Variants in ZBTB38 observed in about 807,000 individuals in gnomAD.
ZBTB38 encodes zinc finger and BTB domain containing 38, also known as zinc finger and BTB domain-containing protein 38.
In ZBTB38, 20 loss-of-function variants were observed where a neutral mutation model predicts 76.8. The observed-to-expected ratio is 0.26, with a 90% CI of 0.18 to 0.38. ZBTB38 has a LOEUF of 0.38. Among genes scored for constraint, ZBTB38 ranks in the 10% least tolerant of loss-of-function variants. ZBTB38 has a pLI of 1.00. For missense variants in ZBTB38, 1,082 were observed against 1,482.3 expected (o/e 0.73, Z 4.43); for synonymous variants, 504 against 544.2 (o/e 0.93, Z 1.03).
intron 4 of ZBTB38, among the ~76,000 whole-genome samples, chr3:141,391,465 C>T (rs761487505): frequency 9.9e-5 from 15 of 152,174 alleles, no homozygotes; most frequent in Non-Finnish European, 1.9e-4. Context: ...GAGGATGGCC[C>T]AGGTCCCTGT....
At chr3:141,407,725 C>G (rs1559941282) in intron 5 of ZBTB38, among the ~76,000 whole-genome samples, 1 of 152,102 alleles carries the variant, frequency 6.6e-6, no homozygotes, top group South Asian at 2.1e-4. Context: ...TGGCTGGTGA[C>G]GAAGATTAAC....
At chr3:141,349,721 C>T (rs141235376) in intron 1 of ZBTB38, among the ~76,000 whole-genome samples, 2,893 of 151,966 alleles carry the variant, frequency 0.019, 104 homozygotes, top group African/African-American at 0.067. Context: ...CAGAGTGAGA[C>T]TCTGTCTCAA....
At chr3:141,382,681 T>G (rs1170282397) in intron 3 of ZBTB38, among the ~76,000 whole-genome samples, 1 of 152,228 alleles carries the variant, frequency 6.6e-6, no homozygotes, top group Admixed American at 6.5e-5. Flanking sequence ...TCCAACATGG[T>G]CCATCTGATT....
intron 4 of ZBTB38, among the ~76,000 whole-genome samples, chr3:141,393,982 T>G (rs147003125): frequency 2.0e-5 from 3 of 151,872 alleles, no homozygotes; most frequent in African/African-American, 7.3e-5. Context: ...ATAAGAACTT[T>G]CCATTTCTTT....
Position 141,413,175 on chromosome 3 carries a change from A to G in ZBTB38, c.-1+9144A>G, listed in dbSNP as rs371386561. On this transcript the variant is annotated intron_variant, in intron 5 of 5. Coordinates refer to ENST00000321464, the MANE Select transcript of ZBTB38 (RefSeq NM_001376113.1). This position sits in a 1 kb window ranked among gnomAD's most constrained non-coding sequence, Gnocchi z 4.1. ...AATATCTGAGGGCCCAGGCCCATAC[A>G]GATGATCTCTGTACGCTGGTATTTT... 5.3e-5 allele frequency among the ~76,000 whole-genome samples: 8 copies of G among 152,222 alleles called. No individual in the cohort carries two copies. The highest frequency in any genetic ancestry group is 3.9e-4 in the East Asian group (2 of 5,194).
chr3:141,423,643 T>C (rs6792546), intron 5 of ZBTB38, among the ~76,000 whole-genome samples: 11,117 of 152,250 alleles, frequency 0.073, 1,379 homozygotes, highest in African/African-American at 0.25. Context: ...AACTATCAAC[T>C]ACATTTGACA....
chr3:141,359,801 C>T (rs1281908661), intron 1 of ZBTB38, among the ~76,000 whole-genome samples: 1 of 151,866 alleles, frequency 6.6e-6, no homozygotes, highest in African/African-American at 2.4e-5. Flanking sequence ...CATGGTGGTC[C>T]ATGCCTGTGG....
chr3:141,404,690 C>G (rs1953728993), intron 5 of ZBTB38, among the ~76,000 whole-genome samples: 1 of 152,150 alleles, frequency 6.6e-6, no homozygotes, highest in Admixed American at 6.5e-5. Context: ...TTTATTTACC[C>G]CTCACGATAG....
intron 5 of ZBTB38, among the ~76,000 whole-genome samples, chr3:141,417,733 C>A (rs901011656): frequency 2.6e-5 from 4 of 152,114 alleles, no homozygotes; most frequent in Admixed American, 2.6e-4. Context: ...TTTAAAAGCC[C>A]AGGCTGTGCG....
rs1435936092 is a variant in ZBTB38 at position 141,357,979 on chromosome 3, T to C, written c.-738-10642T>C. Among the ~76,000 whole-genome samples the C allele has an allele frequency of 3.3e-5, 5 of 152,214 alleles. No homozygotes were observed. The South Asian group carries it at 1.0e-3, about 32-fold the overall frequency. ...ACTCTGTGAGAGAGGAAAAGATGTT[T>C]CCCAATAAAGATCATACACTCTAGT... On this transcript the variant is annotated intron_variant, in intron 1 of 7. Transcript: ENST00000509842.
chr3:141,402,656 G>C (rs1284325521), intron 4 of ZBTB38, among the ~76,000 whole-genome samples: 1 of 151,092 alleles, frequency 6.6e-6, no homozygotes, highest in Admixed American at 6.6e-5. Flanking sequence ...GCGCCCGCAG[G>C]TGCCCGGACT....
chr3:141,324,241 G>T (rs1942611294), exon 1 of ZBTB38: 1 of 152,164 alleles, frequency 6.6e-6, no homozygotes, highest in Non-Finnish European at 1.5e-5. Context: ...AAGGCCTCGG[G>T]CAGCCCTACC....
chr3:141,368,484 C>G (rs1000007375), upstream of ZBTB38: 8 of 152,180 alleles, frequency 5.3e-5, no homozygotes, highest in Admixed American at 5.2e-4. Context: ...CCACTGGCCT[C>G]CCTCTGAAGC....
intron 5 of ZBTB38, chr3:141,426,138 A>G: frequency 7.8e-7 from 1 of 1,289,346 alleles, no homozygotes; most frequent in Non-Finnish European, 1.0e-6. Flanking sequence ...GGCTGCCCAG[A>G]GGGGCTCCAG....
intron 5 of ZBTB38, among the ~76,000 whole-genome samples, chr3:141,434,464 A>G (rs2150646010): frequency 6.6e-6 from 1 of 152,208 alleles, no homozygotes; most frequent in African/African-American, 2.4e-5. Flanking sequence ...TCTGCTTTTT[A>G]CCTTAATGCA....
chr3:141,331,125 A>G (rs950121490), intron 1 of ZBTB38, among the ~76,000 whole-genome samples: 2 of 152,232 alleles, frequency 1.3e-5, no homozygotes, highest in South Asian at 4.1e-4. Context: ...ACTTTTGCTT[A>G]TAAGATCTTC....
chr3:141,421,981 C>A (rs1359945536), intron 5 of ZBTB38, among the ~76,000 whole-genome samples: 4 of 152,334 alleles, frequency 2.6e-5, no homozygotes, highest in Middle Eastern at 3.4e-3. Context: ...GTCATCAAAT[C>A]TAAAGGAACC....
At chr3:141,382,169 C>G (rs1308937506) in intron 3 of ZBTB38, among the ~76,000 whole-genome samples, 1 of 152,142 alleles carries the variant, frequency 6.6e-6, no homozygotes, top group Admixed American at 6.5e-5. Context: ...GCGGGAGAAT[C>G]GACTGAGAGT....
At chr3:141,401,611 AT>A (rs10935429) in intron 4 of ZBTB38, among the ~76,000 whole-genome samples, 83 of 146,654 alleles carry the variant, frequency 5.7e-4, no homozygotes, top group South Asian at 1.9e-3. Context: ...GTGGCCTTGA[AT>A]TTTTTTTTTT....
Sources: allele counts gnomAD v4.1 joint callset (sites outside exome capture counted in the v4.1 genomes callset), GRCh38; gene constraint gnomAD v4.1.1; non-coding constraint Gnocchi (gnomAD v3.1); transcripts MANE v1.5; gene names NCBI Gene and HGNC (gene_info 2026-07-23, HGNC 2026-07-21).